TAFA2: variants seen among roughly 807,000 people sequenced by gnomAD.
TAFA2 encodes the protein TAFA chemokine like family member 2.
TAFA2 carries 7 observed loss-of-function variants against 18.8 expected under a neutral mutation model. That is an observed-to-expected ratio of 0.37 (90% confidence interval 0.21 to 0.70). The LOEUF is 0.70. TAFA2 is among the 30% of genes least tolerant of loss of function. The pLI is 0.53. For missense variants in TAFA2, 122 were observed against 158.1 expected, an observed-to-expected ratio of 0.77 and a Z score of 1.23; for synonymous variants, 60 against 54.2, an observed-to-expected ratio of 1.11 and a Z score of -0.47.
rs558447415 is a variant in TAFA2, at chr12:62,175,100, C to T, written c.-2+16159G>A. 2.0e-5 allele frequency among the ~76,000 whole-genome samples: 3 copies of T among 152,266 alleles called. No individual in the cohort carries two copies. In the South Asian group the frequency reaches 6.2e-4, roughly 32 times the overall value. The stretch of plus-strand genomic sequence containing the variant: ...ATTATTGAATGAAATTTTAGCATTC[C>T]TTTCCCTGTGGATTTTTTTTCTTAA... On this transcript the variant is annotated intron_variant, in intron 1 of 4. Transcript: ENST00000416284.
chr12:62,145,992 G>A (rs1383889043), intron 1 of TAFA2, among the ~76,000 whole-genome samples: 1 of 152,106 alleles, frequency 6.6e-6, no homozygotes, highest in Non-Finnish European at 1.5e-5. Flanking sequence ...TTCCTTCCTT[G>A]CCATGCCAAA....
intron 1 of TAFA2, among the ~76,000 whole-genome samples, chr12:61,975,496 T>A (rs1321280883): frequency 1.1e-4 from 16 of 143,060 alleles, no homozygotes; most frequent in Non-Finnish European, 2.3e-4. Context: ...GATCTCCTTT[T>A]TAAGGCTCAA....
At chr12:61,871,662 T>C (rs1003332329) in intron 1 of TAFA2, among the ~76,000 whole-genome samples, 39 of 152,192 alleles carry the variant, frequency 2.6e-4, no homozygotes, top group African/African-American at 9.2e-4. Context: ...AGTGAAAAGT[T>C]GTCGAAGTGG....
At chr12:61,837,127 T>C (rs939154545) in intron 2 of TAFA2, among the ~76,000 whole-genome samples, 2 of 151,942 alleles carry the variant, frequency 1.3e-5, no homozygotes, top group African/African-American at 2.4e-5. Flanking sequence ...TATCTTTCTT[T>C]TCTAAACTTG....
chr12:62,053,174 T>C (rs542480704), intron 1 of TAFA2, among the ~76,000 whole-genome samples: 2 of 152,344 alleles, frequency 1.3e-5, no homozygotes, highest in Middle Eastern at 3.4e-3. Flanking sequence ...TGTGAAAGTA[T>C]ATAAAAAAGC....
chr12:62,224,778 T>A (rs1410185577), intron 1 of TAFA2, among the ~76,000 whole-genome samples: 1 of 152,150 alleles, frequency 6.6e-6, no homozygotes, highest in Admixed American at 6.5e-5. Context: ...TAACAGGAAT[T>A]GATGGTAACA....
At chr12:61,968,641 G>A (rs953738101) in intron 1 of TAFA2, among the ~76,000 whole-genome samples, 5 of 151,596 alleles carry the variant, frequency 3.3e-5, no homozygotes, top group African/African-American at 1.2e-4. Flanking sequence ...TCCATTTTTT[G>A]ACAGCTTACT....
At chr12:61,881,435 T>G (rs1053826508) in intron 1 of TAFA2, among the ~76,000 whole-genome samples, 8 of 152,180 alleles carry the variant, frequency 5.3e-5, no homozygotes, top group Admixed American at 5.2e-4. Flanking sequence ...TCTGAGCATA[T>G]CTAATTACAT....
chr12:61,905,103 T>C (rs762527470), intron 1 of TAFA2, among the ~76,000 whole-genome samples: 1 of 152,184 alleles, frequency 6.6e-6, no homozygotes, highest in Non-Finnish European at 1.5e-5. Flanking sequence ...ATTGGTTATG[T>C]CTAGGAATAT....
At chr12:61,746,064 C>T (rs1293545662) in intron 4 of TAFA2, among the ~76,000 whole-genome samples, 2 of 152,068 alleles carry the variant, frequency 1.3e-5, no homozygotes, top group African/African-American at 2.4e-5. Context: ...GTTGTGTCCC[C>T]ACCCAAAATC....
intron 1 of TAFA2, among the ~76,000 whole-genome samples, chr12:61,913,491 T>G (rs927696221): frequency 5.9e-5 from 9 of 152,140 alleles, no homozygotes; most frequent in African/African-American, 1.9e-4. Flanking sequence ...CCAAGTTGTG[T>G]TATTTACAAT....
At chr12:62,175,781 G>C (rs1342016257) in intron 1 of TAFA2, among the ~76,000 whole-genome samples, 1 of 151,722 alleles carries the variant, frequency 6.6e-6, no homozygotes, top group Admixed American at 6.6e-5. Context: ...GATAATTAAG[G>C]CGAATTATCA....
intron 1 of TAFA2, among the ~76,000 whole-genome samples, chr12:61,901,111 G>A (rs1302867318): frequency 2.0e-5 from 3 of 151,942 alleles, no homozygotes; most frequent in Non-Finnish European, 4.4e-5. Context: ...CCAAATATAT[G>A]TCTTTATAAC....
At chr12:62,086,152 G>T (rs1296551520) in intron 1 of TAFA2, among the ~76,000 whole-genome samples, 1 of 150,350 alleles carries the variant, frequency 6.7e-6, no homozygotes, top group African/African-American at 2.5e-5. Flanking sequence ...TATGAGAACG[G>T]ACTAAGACAG....
chr12:61,852,286 G>T (rs1178094243), intron 2 of TAFA2, among the ~76,000 whole-genome samples: 3 of 152,004 alleles, frequency 2.0e-5, no homozygotes, highest in African/African-American at 7.2e-5. Context: ...AAATGTGAGA[G>T]ATAACTAGGA....
chr12:61,728,347 G>C (rs978163134), intron 4 of TAFA2, among the ~76,000 whole-genome samples: 2 of 151,876 alleles, frequency 1.3e-5, no homozygotes, highest in Admixed American at 1.3e-4. Flanking sequence ...CTATTATTGT[G>C]TGGCTGTCTG....
intron 1 of TAFA2, among the ~76,000 whole-genome samples, chr12:61,978,097 T>G (rs542128081): frequency 6.6e-6 from 1 of 152,086 alleles, no homozygotes; most frequent in African/African-American, 2.4e-5. Flanking sequence ...GCTACATGAC[T>G]CTGTGCAAGT....
intron 1 of TAFA2, among the ~76,000 whole-genome samples, chr12:62,066,975 G>T (rs1464642034): frequency 6.6e-6 from 1 of 151,930 alleles, no homozygotes; most frequent in Non-Finnish European, 1.5e-5. Flanking sequence ...CTCAGCATTT[G>T]TTATTGCTTG....
At chr12:61,788,130 A>G (rs1485741166) in intron 2 of TAFA2, among the ~76,000 whole-genome samples, 1 of 151,690 alleles carries the variant, frequency 6.6e-6, no homozygotes, top group Admixed American at 6.6e-5. Flanking sequence ...AATGATAGAA[A>G]TATCTATTCA....
Sources: gnomAD v4.1 joint callset for allele counts (sites outside exome capture counted in the v4.1 genomes callset) on GRCh38, gnomAD v4.1.1 for gene constraint, MANE v1.5 for transcripts, NCBI Gene and HGNC (gene_info 2026-07-23, HGNC 2026-07-21) for gene names.